Variants in NFIA observed in about 807,000 individuals in gnomAD.
NFIA encodes the protein nuclear factor I A.
Under a neutral mutation model 62.8 loss-of-function variants are expected in NFIA, and 8 were observed. The observed-to-expected ratio is 0.13, with a 90% CI of 0.07 to 0.23. The LOEUF is 0.23. Ranked by LOEUF, NFIA falls within the 10% of genes least tolerant of loss-of-function variation. The pLI, the probability that NFIA is intolerant of heterozygous loss-of-function variation, is 1.00. For missense variants in NFIA, 410 were observed against 642.1 expected (o/e 0.64, Z 3.91); for synonymous variants, 235 against 238.1 (o/e 0.99, Z 0.12).
chr1:61,270,744 C>T (rs1657452706), intron 2 of NFIA, among the ~76,000 whole-genome samples: 7 of 152,134 alleles, frequency 4.6e-5, no homozygotes, highest in Admixed American at 6.5e-5. Flanking sequence ...TTCTGCTATG[C>T]AATAATGTTG....
intron 2 of NFIA, among the ~76,000 whole-genome samples, chr1:61,231,349 T>C (rs1654659102): frequency 6.6e-6 from 1 of 152,184 alleles, no homozygotes. Context: ...TTTTCAGGAA[T>C]AAAAATAAAG....
chr1:61,282,754 C>T lies in NFIA; in HGVS notation c.625+5169C>T, dbSNP rs113138229. Among the ~76,000 whole-genome samples, 13 of 152,332 alleles carry T rather than the reference C, an allele frequency of 8.5e-5. 1 individual carries two copies. Among genetic ancestry groups the T allele is most frequent in the African/African-American group, 3.1e-4 (13 of 41,574 alleles). On this transcript the variant is annotated intron_variant, in intron 3 of 10. Transcript: ENST00000403491. ...CCTTGCCAGAAAGTAATGCTATCTT[C>T]ACCTGGTTATTTTTCCCTTCTATTT...
chr1:61,337,768 A>G (rs1661690288), intron 4 of NFIA, among the ~76,000 whole-genome samples: 1 of 152,204 alleles, frequency 6.6e-6, no homozygotes, highest in African/African-American at 2.4e-5. Context: ...ACTAGCTGCT[A>G]AGTGATGCTG....
intron 6 of NFIA, among the ~76,000 whole-genome samples, chr1:61,375,762 C>G (rs1000211248): frequency 6.6e-6 from 1 of 152,154 alleles, no homozygotes; most frequent in Non-Finnish European, 1.5e-5. Flanking sequence ...TGGACTCTCT[C>G]CCACCTTCAG....
chr1:61,455,618 A>T lies in NFIA; in HGVS notation c.*298A>T. The T allele has an allele frequency of 2.1e-6, 1 of 471,246 alleles. No homozygotes were observed. The highest frequency in any genetic ancestry group is 3.7e-6 in the Non-Finnish European group (1 of 270,920). 29.2% of individuals were successfully genotyped at this position (471,246 alleles called of 1,614,324 possible). ...GAAGTGTTTCCATGGTAGCGTGAGCATTAGGTGACGTGGCTAGCGGAGGAC... is the reference window on the plus strand; with the variant it reads ...GAAGTGTTTCCATGGTAGCGTGAGCTTTAGGTGACGTGGCTAGCGGAGGAC... On this transcript the variant is annotated 3_prime_UTR_variant, in exon 11 of 11. Transcript: ENST00000403491.
Position 61,351,681 on chromosome 1 carries a change from A to G in NFIA, c.701-769A>G, listed in dbSNP as rs181194427. Among the ~76,000 whole-genome samples, 91 of 152,344 alleles carry G rather than the reference A, an allele frequency of 6.0e-4. 2 individuals carry two copies. In the East Asian group the frequency reaches 0.013, roughly 23 times the overall value. ...AAATGCAAGGAATCAGTCTCACACAAGGGTCATTTCTGAAAATCACAAATA... is the reference window on the plus strand; with the variant it reads ...AAATGCAAGGAATCAGTCTCACACAGGGGTCATTTCTGAAAATCACAAATA... On this transcript the variant is annotated intron_variant, in intron 4 of 10. Coordinates refer to ENST00000403491, the MANE Select transcript of NFIA (RefSeq NM_001134673.4).
intron 10 of NFIA, among the ~76,000 whole-genome samples, chr1:61,448,042 C>G (rs936250101): frequency 6.6e-5 from 10 of 152,102 alleles, no homozygotes; most frequent in African/African-American, 2.4e-4. Context: ...GCTTTGTGTA[C>G]AGTGGGGGTT....
chr1:61,177,869 C>T (rs1168892800), intron 2 of NFIA, among the ~76,000 whole-genome samples: 3 of 152,316 alleles, frequency 2.0e-5, no homozygotes, highest in Middle Eastern at 3.4e-3. Context: ...TTCTCCCACA[C>T]AGTAGCCACT....
At chr1:61,171,515 T>A (rs937169976) in intron 2 of NFIA, among the ~76,000 whole-genome samples, 1 of 152,224 alleles carries the variant, frequency 6.6e-6, no homozygotes, top group Non-Finnish European at 1.5e-5. Flanking sequence ...GCATACTACG[T>A]TGACTCATTA....
intron 2 of NFIA, among the ~76,000 whole-genome samples, chr1:61,184,422 A>G (rs901540848): frequency 3.3e-5 from 5 of 152,342 alleles, no homozygotes; most frequent in African/African-American, 9.6e-5. Flanking sequence ...TTGCATGCCA[A>G]ATGTTCTTGC....
chr1:61,277,476 CT>C, intron 2 of NFIA, 43 bp from the exon 3 acceptor site: 2 of 1,602,868 alleles, frequency 1.2e-6, no homozygotes, highest in Non-Finnish European at 1.7e-6. Context: ...TGCACTTTCC[CT>C]TGCAGACCCT....
At chr1:61,327,249 T>A (rs1044129588) in intron 3 of NFIA, among the ~76,000 whole-genome samples, 2 of 151,572 alleles carry the variant, frequency 1.3e-5, no homozygotes, top group African/African-American at 4.8e-5. Flanking sequence ...AATATATATT[T>A]ACATATATAT....
At chr1:61,230,470 C>T (rs561082897) in intron 2 of NFIA, among the ~76,000 whole-genome samples, 1 of 152,240 alleles carries the variant, frequency 6.6e-6, no homozygotes, top group African/African-American at 2.4e-5. Flanking sequence ...CTAAGTTCCC[C>T]GAGTCCACCT....
At chr1:61,332,455 G>T in intron 3 of NFIA, 57 bp from the exon 4 acceptor site, 1 of 1,482,496 alleles carries the variant, frequency 6.7e-7, no homozygotes. Context: ...TTAAAGCTCT[G>T]TTGTCAAATG....
At position 61,384,158 on chromosome 1, in the gene NFIA, A is replaced by G. The variant is rs1313006183; in HGVS notation, c.1075+793A>G. 3.3e-5 allele frequency among the ~76,000 whole-genome samples: 5 copies of G among 152,146 alleles called. No individual in the cohort carries two copies. In the East Asian group the frequency reaches 9.6e-4, roughly 29 times the overall value. On this transcript the variant is annotated intron_variant, in intron 7 of 10. Transcript: ENST00000403491. ...ATTGTAGCCATGTTTGCTTTCCTTT[A>G]TCAGATTTTCTTTTAGGTAGGTCTG... is the stretch of plus-strand genomic sequence containing the variant.
intron 1 of NFIA, among the ~76,000 whole-genome samples, chr1:61,085,257 A>G (rs180793493): frequency 1.3e-5 from 2 of 152,284 alleles, no homozygotes; most frequent in Admixed American, 1.3e-4. Flanking sequence ...CATATAATCA[A>G]ATCAGGTACT....
chr1:61,260,821 C>T (rs560358485), intron 2 of NFIA, among the ~76,000 whole-genome samples: 14 of 152,292 alleles, frequency 9.2e-5, no homozygotes, highest in South Asian at 2.1e-4. Context: ...ACCTCATGAT[C>T]TGCCCACCTC....
At chr1:61,138,151 A>C (rs1385652995) in intron 2 of NFIA, among the ~76,000 whole-genome samples, 2 of 152,078 alleles carry the variant, frequency 1.3e-5, no homozygotes, top group African/African-American at 2.4e-5. Flanking sequence ...GCTGGAGTAC[A>C]TTGGTGAGAT....
chr1:61,336,057 G>A (rs886936277), intron 4 of NFIA, among the ~76,000 whole-genome samples: 4 of 152,054 alleles, frequency 2.6e-5, no homozygotes, highest in African/African-American at 9.7e-5. Context: ...TATAGATGGA[G>A]TCTGTGATGC....
Sources: allele counts gnomAD v4.1 joint callset (sites outside exome capture counted in the v4.1 genomes callset), GRCh38; gene constraint gnomAD v4.1.1; transcripts MANE v1.5; gene names NCBI Gene and HGNC (gene_info 2026-07-23, HGNC 2026-07-21).